The following NCAM2 variants were observed in gnomAD, a reference collection of about 807,000 sequenced individuals.
NCAM2 encodes N-CAM-2.
In NCAM2, 30 loss-of-function variants were observed where a neutral mutation model predicts 98.1. The ratio of observed to expected loss-of-function variants is 0.31; its 90% confidence interval spans 0.23 to 0.41. NCAM2 has a LOEUF of 0.41. Among genes scored for constraint, NCAM2 ranks in the 10% least tolerant of loss-of-function variants. The pLI is 1.00. For missense variants in NCAM2, 867 were observed against 1,005.8 expected (o/e 0.86, Z 1.87); for synonymous variants, 368 against 342.4 (o/e 1.07, Z -0.83).
At chr21:21,095,917 A>G (rs911339407) in intron 1 of NCAM2, among the ~76,000 whole-genome samples, 4 of 151,668 alleles carry the variant, frequency 2.6e-5, no homozygotes, top group Middle Eastern at 3.4e-3. Flanking sequence ...GAATATTACT[A>G]TATGTATCAT....
At chr21:21,497,592 A>G (rs1029177295) in intron 15 of NCAM2, among the ~76,000 whole-genome samples, 4 of 152,144 alleles carry the variant, frequency 2.6e-5, no homozygotes, top group Non-Finnish European at 5.9e-5. Context: ...TTGGATTGCC[A>G]CTGAGTTTAT....
chr21:21,362,438 A>G (rs1055290085), intron 8 of NCAM2, among the ~76,000 whole-genome samples: 1 of 151,246 alleles, frequency 6.6e-6, no homozygotes, highest in African/African-American at 2.4e-5. Context: ...TCTTTCACCC[A>G]GGCTGAGTAC....
chr21:21,029,106 A>T (rs1406046501), intron 1 of NCAM2, among the ~76,000 whole-genome samples: 2 of 152,230 alleles, frequency 1.3e-5, no homozygotes, highest in African/African-American at 4.8e-5. Context: ...GTAATTGATA[A>T]ACAGAAACCC....
chr21:21,078,157 A>G (rs2065718810), intron 1 of NCAM2, among the ~76,000 whole-genome samples: 1 of 152,162 alleles, frequency 6.6e-6, no homozygotes, highest in Non-Finnish European at 1.5e-5. Context: ...CTATAACAAA[A>G]TAGAAGCATT....
chr21:21,422,358 C>G (rs1261465818), intron 11 of NCAM2, among the ~76,000 whole-genome samples: 1 of 151,972 alleles, frequency 6.6e-6, no homozygotes, highest in Non-Finnish European at 1.5e-5. Context: ...ATGCAATGTT[C>G]AATATTCTAG....
intron 15 of NCAM2, among the ~76,000 whole-genome samples, chr21:21,480,353 C>G (rs1173037781): frequency 8.3e-6 from 1 of 120,198 alleles, no homozygotes; most frequent in African/African-American, 4.0e-5. Flanking sequence ...GGCGACAGAG[C>G]GAGACTCCAT....
chr21:21,404,654 G>A lies in NCAM2; in HGVS notation c.1196-5620G>A, dbSNP rs535032420. Among the ~76,000 whole-genome samples the A allele has an allele frequency of 1.3e-4, 20 of 151,896 alleles. No homozygotes were observed. In the South Asian group the frequency reaches 4.2e-3, roughly 32 times the overall value. ...GAGTGTATATATGTATATATAGTAT[G>A]TATGTGTATATACCGTATATCAATA... On this transcript the variant is annotated intron_variant, in intron 9 of 17. Coordinates refer to ENST00000400546, the MANE Select transcript of NCAM2 (RefSeq NM_004540.5).
At chr21:21,148,115 G>A (rs958774818) in intron 1 of NCAM2, among the ~76,000 whole-genome samples, 11 of 152,050 alleles carry the variant, frequency 7.2e-5, no homozygotes, top group African/African-American at 2.7e-4. Context: ...GCCACATTGG[G>A]AAGGGCCATG....
intron 16 of NCAM2, among the ~76,000 whole-genome samples, chr21:21,533,851 T>C (rs906252370): frequency 2.0e-4 from 30 of 152,002 alleles, no homozygotes; most frequent in African/African-American, 6.8e-4. Flanking sequence ...TTCACTGTTA[T>C]ATATTCAAAA....
At chr21:21,254,918 GTGTGTGTA>G (rs1328424010) in intron 1 of NCAM2, among the ~76,000 whole-genome samples, 1 of 147,068 alleles carries the variant, frequency 6.8e-6, no homozygotes, top group African/African-American at 2.6e-5. Flanking sequence ...GTGTGTGTGT[GTGTGTGTA>G]TGTGTACCCA....
intron 12 of NCAM2, among the ~76,000 whole-genome samples, chr21:21,436,557 T>C (rs534086393): frequency 6.6e-6 from 1 of 152,308 alleles, no homozygotes; most frequent in East Asian, 1.9e-4. Flanking sequence ...TTTTTTCTCC[T>C]AGTTTATAAA....
At chr21:21,165,022 G>A (rs1030312610) in intron 1 of NCAM2, among the ~76,000 whole-genome samples, 1 of 152,092 alleles carries the variant, frequency 6.6e-6, no homozygotes, top group South Asian at 2.1e-4. Flanking sequence ...CCTTGTTTGA[G>A]TTTTGTTTTA....
intron 1 of NCAM2, among the ~76,000 whole-genome samples, chr21:21,093,320 T>C (rs2146456132): frequency 6.6e-6 from 1 of 152,146 alleles, no homozygotes; most frequent in East Asian, 1.9e-4. Flanking sequence ...GGATCCCAGT[T>C]ACAGATGCTA....
At chr21:21,298,316 A>G (rs1326614814) in intron 5 of NCAM2, among the ~76,000 whole-genome samples, 2 of 151,732 alleles carry the variant, frequency 1.3e-5, no homozygotes, top group Non-Finnish European at 2.9e-5. Context: ...ATTTTAAGTC[A>G]GTTTAATGAG....
intron 1 of NCAM2, among the ~76,000 whole-genome samples, chr21:21,108,318 C>A (rs372467004): frequency 1.3e-5 from 2 of 152,078 alleles, no homozygotes; most frequent in South Asian, 4.2e-4. Context: ...GATTTTCATA[C>A]AACTGGATTT....
chr21:21,074,495 A>G (rs1338934060), intron 1 of NCAM2, among the ~76,000 whole-genome samples: 2 of 152,192 alleles, frequency 1.3e-5, no homozygotes, highest in Non-Finnish European at 2.9e-5. Context: ...GTGTAAAGTC[A>G]CCATGAAGGT....
intron 8 of NCAM2, among the ~76,000 whole-genome samples, chr21:21,361,223 T>C (rs1014529976): frequency 6.6e-6 from 1 of 152,036 alleles, no homozygotes; most frequent in African/African-American, 2.4e-5. Flanking sequence ...CTTATTTCTC[T>C]TGATACACAC....
intron 1 of NCAM2, among the ~76,000 whole-genome samples, chr21:21,000,311 A>G (rs754048613): frequency 5.3e-5 from 8 of 152,214 alleles, no homozygotes; most frequent in Non-Finnish European, 1.2e-4. Context: ...GAATGGGAGC[A>G]TAATAGGAAA....
At chr21:21,146,134 G>A (rs747729164) in intron 1 of NCAM2, among the ~76,000 whole-genome samples, 21 of 151,926 alleles carry the variant, frequency 1.4e-4, no homozygotes, top group Non-Finnish European at 2.6e-4. Flanking sequence ...AATTTTAAAA[G>A]GTAAGATTTT....
Sources: gnomAD v4.1 joint callset for allele counts (sites outside exome capture counted in the v4.1 genomes callset) on GRCh38, gnomAD v4.1.1 for gene constraint, MANE v1.5 for transcripts, NCBI Gene and HGNC (gene_info 2026-07-23, HGNC 2026-07-21) for gene names.